The following RAB39A variants were observed in gnomAD, a reference collection of about 807,000 sequenced individuals.
RAB39A encodes the protein ras-related protein Rab-39A.
In RAB39A, 17 loss-of-function variants were observed where a neutral mutation model predicts 20.9. The ratio of observed to expected loss-of-function variants is 0.81; its 90% CI spans 0.56 to 1.22. RAB39A has a LOEUF of 1.22. Ranked by LOEUF, RAB39A falls within the 50% of genes most tolerant of loss-of-function variation. The pLI is 0.00. For synonymous variants in RAB39A, 99 were observed against 103.4 expected, an observed-to-expected ratio of 0.96 and a Z score of 0.26; for missense variants, 234 against 270.5, an observed-to-expected ratio of 0.87 and a Z score of 0.95.
At chr11:107,960,401 T>C (rs567519638) in intron 1 of RAB39A, among the ~76,000 whole-genome samples, 1 of 152,288 alleles carries the variant, frequency 6.6e-6, no homozygotes, top group Admixed American at 6.5e-5. Context: ...CAGGGAAGGC[T>C]GCTCAGATGG....
chr11:107,928,460 A>G lies in RAB39A; in HGVS notation c.-109A>G, dbSNP rs1245655984. 7.6e-6 allele frequency: 6 copies of G among 791,808 alleles called. No individual in the cohort carries two copies. The African/African-American group carries it at 9.0e-5, about 12-fold the overall frequency. The allele number at this position is 791,808 out of a possible 1,614,324, so 49.0% of individuals were successfully genotyped here. A position where few individuals can be genotyped will look rare whatever the true frequency, so the allele number is the denominator to read the frequency against. ...AGGCGGCGGCCGCAGCCGCAGGAAT[A>G]TGCTGGAAGGCGGCGGGCGGGCGCC... On this transcript the variant is annotated 5_prime_UTR_variant, in exon 1 of 2. It adds an upstream start codon to the 5' untranslated region. Transcript: ENST00000320578. This position sits in a 1 kb window ranked among gnomAD's most constrained non-coding sequence, Gnocchi z 4.9.
intron 1 of RAB39A, among the ~76,000 whole-genome samples, chr11:107,933,720 G>GT (rs1289676698): frequency 6.9e-6 from 1 of 145,942 alleles, no homozygotes; most frequent in African/African-American, 2.6e-5. Flanking sequence ...TTGTGCAGTG[G>GT]CGCAATCTCG....
chr11:107,932,771 C>T (rs554758135), intron 1 of RAB39A, among the ~76,000 whole-genome samples: 8 of 152,056 alleles, frequency 5.3e-5, no homozygotes, highest in Non-Finnish European at 8.8e-5. Flanking sequence ...GGTGTGGTGG[C>T]CAGATCTTAG....
chr11:107,936,595 A>G (rs1861196564), intron 1 of RAB39A, among the ~76,000 whole-genome samples: 2 of 152,320 alleles, frequency 1.3e-5, no homozygotes, highest in South Asian at 4.1e-4. Context: ...AAATCTCTAA[A>G]CTAAATTAGT....
At chr11:107,936,474 A>T (rs76953748) in intron 1 of RAB39A, among the ~76,000 whole-genome samples, 156 of 152,188 alleles carry the variant, frequency 1.0e-3, no homozygotes, top group African/African-American at 3.4e-3. Flanking sequence ...TGCCTCTTCC[A>T]AACATCCATA....
chr11:107,948,254 T>C (rs1591246404), intron 1 of RAB39A, among the ~76,000 whole-genome samples: 1 of 152,230 alleles, frequency 6.6e-6, no homozygotes, highest in East Asian at 1.9e-4. Flanking sequence ...GAGTTTGAGA[T>C]TGAATTATTG....
At chr11:107,934,456 T>C (rs1354975116) in intron 1 of RAB39A, among the ~76,000 whole-genome samples, 2 of 152,000 alleles carry the variant, frequency 1.3e-5, no homozygotes, top group African/African-American at 4.8e-5. Flanking sequence ...AAAGAAAATC[T>C]ATGATAACTG....
intron 1 of RAB39A, among the ~76,000 whole-genome samples, chr11:107,932,962 C>T (rs1311041185): frequency 6.6e-6 from 1 of 152,166 alleles, no homozygotes; most frequent in Non-Finnish European, 1.5e-5. Context: ...CTGCCTACCT[C>T]AGCCTCCTAA....
intron 1 of RAB39A, among the ~76,000 whole-genome samples, chr11:107,945,132 C>T (rs1174588887): frequency 6.6e-6 from 1 of 150,528 alleles, no homozygotes; most frequent in African/African-American, 2.4e-5. Flanking sequence ...TGCAGTGAGC[C>T]AAGATTGTGC....
chr11:107,952,111 C>T (rs901232100), intron 1 of RAB39A, among the ~76,000 whole-genome samples: 1 of 152,104 alleles, frequency 6.6e-6, no homozygotes, highest in African/African-American at 2.4e-5. Flanking sequence ...ATAATGTTTA[C>T]ATAAACAAGG....
chr11:107,952,203 A>C (rs1367731018), intron 1 of RAB39A, among the ~76,000 whole-genome samples: 8 of 152,258 alleles, frequency 5.3e-5, no homozygotes, highest in Non-Finnish European at 2.9e-5. Flanking sequence ...ATATACATAC[A>C]ATGGAACATT....
chr11:107,930,463 A>G (rs1861124565), intron 1 of RAB39A, among the ~76,000 whole-genome samples: 1 of 152,218 alleles, frequency 6.6e-6, no homozygotes, highest in Non-Finnish European at 1.5e-5. Context: ...AGTGAATACA[A>G]TAAAAACCTT....
intron 1 of RAB39A, among the ~76,000 whole-genome samples, chr11:107,936,607 A>G (rs933617276): frequency 6.6e-6 from 1 of 152,192 alleles, no homozygotes; most frequent in African/African-American, 2.4e-5. Context: ...TAAATTAGTT[A>G]TTTTTGGTTT....
At chr11:107,959,116 G>A (rs796401904) in intron 1 of RAB39A, among the ~76,000 whole-genome samples, 55 of 53,558 alleles carry the variant, frequency 1.0e-3, no homozygotes, top group African/African-American at 2.9e-3. Context: ...CAAAAACTCC[G>A]TCTCAAAAAA....
intron 1 of RAB39A, among the ~76,000 whole-genome samples, chr11:107,959,120 CAA>C (rs35703057): frequency 3.4e-5 from 5 of 148,436 alleles, no homozygotes; most frequent in Non-Finnish European, 1.5e-5. Flanking sequence ...AACTCCGTCT[CAA>C]AAAAAAAAAG....
chr11:107,948,328 T>G (rs1861339253), intron 1 of RAB39A, among the ~76,000 whole-genome samples: 1 of 152,046 alleles, frequency 6.6e-6, no homozygotes, highest in African/African-American at 2.4e-5. Flanking sequence ...GTAGGGACAT[T>G]TAGTGTTCGT....
intron 1 of RAB39A, among the ~76,000 whole-genome samples, chr11:107,942,098 CAAAAAAAAAAAA>C (rs10537482): frequency 2.4e-5 from 2 of 83,752 alleles, no homozygotes; most frequent in Admixed American, 3.5e-4. Context: ...GATTCCATCT[CAAAAAAAAAAAA>C]AAAAAAAAAA....
intron 1 of RAB39A, among the ~76,000 whole-genome samples, chr11:107,936,795 G>A (rs892333341): frequency 6.6e-6 from 1 of 151,994 alleles, no homozygotes; most frequent in African/African-American, 2.4e-5. Context: ...GCATGGTGGT[G>A]CACACCTATA....
intron 1 of RAB39A, among the ~76,000 whole-genome samples, chr11:107,929,521 A>G (rs1861116111): frequency 6.6e-6 from 1 of 152,098 alleles, no homozygotes; most frequent in South Asian, 2.1e-4. Context: ...TGAAGGGTTG[A>G]GTTGTCTTTA....
Sources: gnomAD v4.1 joint callset for allele counts (sites outside exome capture counted in the v4.1 genomes callset) on GRCh38, gnomAD v4.1.1 for gene constraint, Gnocchi (gnomAD v3.1) non-coding constraint, MANE v1.5 for transcripts, NCBI Gene and HGNC (gene_info 2026-07-23, HGNC 2026-07-21) for gene names.